Variants in WDR20 observed in about 807,000 individuals in gnomAD.
WDR20 encodes WD repeat domain 20, also known as WD repeat-containing protein 20.
A neutral mutation model predicts 38.7 loss-of-function variants in WDR20; 3 were observed. That is an observed-to-expected ratio of 0.08 (90% CI 0.04 to 0.20). The LOEUF (loss-of-function observed/expected upper bound fraction) is 0.20. Ranked by LOEUF, WDR20 falls within the 10% of genes least tolerant of loss-of-function variation. The pLI is 1.00. For missense variants in WDR20, 559 were observed against 727.7 expected (o/e 0.77, Z 2.67); for synonymous variants, 298 against 285.6 (o/e 1.04, Z -0.44).
downstream of WDR20, among the ~76,000 whole-genome samples, chr14:102,219,092 C>T (rs1259922390): frequency 6.6e-6 from 1 of 152,220 alleles, no homozygotes; most frequent in Admixed American, 6.5e-5. Context: ...GGATCCCCCA[C>T]GCTGTGCTCT....
intron 1 of WDR20, chr14:102,193,607 T>A (rs2058917139): frequency 1.6e-6 from 2 of 1,238,212 alleles, no homozygotes; most frequent in Non-Finnish European, 2.2e-6. Context: ...TCCAGACTTC[T>A]ACATGTGCAA....
At chr14:102,194,008 C>G (rs2058988650) in intron 1 of WDR20, among the ~76,000 whole-genome samples, 1 of 152,190 alleles carries the variant, frequency 6.6e-6, no homozygotes, top group African/African-American at 2.4e-5. Flanking sequence ...TGAAAAATCA[C>G]TTTTCACCCA....
intron 1 of WDR20, among the ~76,000 whole-genome samples, chr14:102,172,609 G>GCCTGGCAGAGGCGC (rs2061117882): frequency 6.8e-6 from 1 of 148,106 alleles, no homozygotes; most frequent in Non-Finnish European, 1.5e-5. Context: ...AGTAGGGGCG[G>GCCTGGCAGAGGCGC]CCTGGCAGAG....
At chr14:102,142,866 T>G (rs569473663) in intron 1 of WDR20, among the ~76,000 whole-genome samples, 2 of 148,368 alleles carry the variant, frequency 1.3e-5, no homozygotes, top group South Asian at 4.2e-4. Context: ...TTTAGATGAG[T>G]AAATTCAACT....
At position 102,180,825 on chromosome 14, in the gene WDR20, T is replaced by G. The variant is rs1319044449; in HGVS notation, c.250-14113T>G. 2.0e-5 allele frequency among the ~76,000 whole-genome samples: 3 copies of G among 152,214 alleles called. No individual in the cohort carries two copies. In the East Asian group the frequency reaches 5.8e-4, roughly 29 times the overall value. ...GGGGCTGGCCTGCATTTCTTAGCTT[T>G]CCATATCTTTGTACCCTAGTTTAAA... On this transcript the variant is annotated intron_variant, in intron 1 of 2. Coordinates refer to ENST00000342702, the MANE Select transcript of WDR20 (RefSeq NM_144574.4).
chr14:102,197,226 A>G (rs1180332115), intron 2 of WDR20, among the ~76,000 whole-genome samples: 1 of 152,176 alleles, frequency 6.6e-6, no homozygotes, highest in Non-Finnish European at 1.5e-5. Context: ...CCAGAAATTA[A>G]TTCCAGAAAC....
At chr14:102,212,956 C>G (rs1010973986), downstream of WDR20, 43 of 1,016,036 alleles carry the variant, frequency 4.2e-5, no homozygotes, top group Admixed American at 5.3e-5. Context: ...TGTACCAAAC[C>G]ACAGAGATGA....
downstream of WDR20, among the ~76,000 whole-genome samples, chr14:102,218,176 CTTACTTTTGT>C (rs1166189704): frequency 6.6e-6 from 1 of 152,244 alleles, no homozygotes; most frequent in Non-Finnish European, 1.5e-5. Flanking sequence ...CTGTGTGCGT[CTTACTTTTGT>C]TTGGGTTGGA....
At chr14:102,187,278 CTTCT>C (rs750269525) in intron 1 of WDR20, among the ~76,000 whole-genome samples, 1 of 152,148 alleles carries the variant, frequency 6.6e-6, no homozygotes, top group Non-Finnish European at 1.5e-5. Context: ...AGCCTCCTGG[CTTCT>C]TTCTTGTTTT....
intron 1 of WDR20, among the ~76,000 whole-genome samples, chr14:102,159,397 A>G (rs1044625820): frequency 2.0e-5 from 3 of 152,184 alleles, no homozygotes; most frequent in African/African-American, 7.2e-5. Context: ...GTCACCTGGG[A>G]GCCTGTTGGA....
downstream of WDR20, chr14:102,212,865 T>G: frequency 3.3e-6 from 4 of 1,215,640 alleles, no homozygotes; most frequent in Non-Finnish European, 3.1e-6. Flanking sequence ...GAATATCTTT[T>G]CTAACCTAAT....
At chr14:102,174,043 CAA>C (rs776153847) in intron 1 of WDR20, among the ~76,000 whole-genome samples, 25 of 87,690 alleles carry the variant, frequency 2.9e-4, no homozygotes, top group Admixed American at 3.9e-4. Flanking sequence ...GACTCCATCT[CAA>C]AAAAAAAAAA....
At chr14:102,142,729 T>G (rs1252945911) in intron 1 of WDR20, among the ~76,000 whole-genome samples, 1 of 150,928 alleles carries the variant, frequency 6.6e-6, no homozygotes, top group Non-Finnish European at 1.5e-5. Context: ...GTGCTGAGAT[T>G]ATAGGTGTGA....
intron 1 of WDR20, among the ~76,000 whole-genome samples, chr14:102,178,134 G>C (rs759233876): frequency 3.3e-5 from 5 of 152,186 alleles, no homozygotes; most frequent in Non-Finnish European, 7.3e-5. Flanking sequence ...GCTCATGCCT[G>C]TAATCCCAGC....
chr14:102,174,336 T>G (rs1178775114), intron 1 of WDR20, among the ~76,000 whole-genome samples: 1 of 152,204 alleles, frequency 6.6e-6, no homozygotes, highest in Non-Finnish European at 1.5e-5. Context: ...TCCATAGCGG[T>G]TGTACTAGTT....
At chr14:102,218,207 T>C (rs1167481238), downstream of WDR20, among the ~76,000 whole-genome samples, 4 of 152,254 alleles carry the variant, frequency 2.6e-5, no homozygotes, top group African/African-American at 9.6e-5. Context: ...AAGGGTGACC[T>C]TGGGGGTTGA....
At chr14:102,201,500 T>A (rs2060372039) in intron 2 of WDR20, among the ~76,000 whole-genome samples, 3 of 152,188 alleles carry the variant, frequency 2.0e-5, no homozygotes, top group Admixed American at 2.0e-4. Flanking sequence ...ATTTTGAAAA[T>A]CTTGTCTGTT....
At chr14:102,183,834 G>A (rs2063924467) in intron 1 of WDR20, among the ~76,000 whole-genome samples, 1 of 152,188 alleles carries the variant, frequency 6.6e-6, no homozygotes, top group Non-Finnish European at 1.5e-5. Context: ...ATGGCCCAAA[G>A]GTTAGAACAA....
intron 1 of WDR20, among the ~76,000 whole-genome samples, chr14:102,148,669 T>TTGTGTGTGTGTGTGTGTGTG (rs10525828): frequency 6.9e-6 from 1 of 144,836 alleles, no homozygotes; most frequent in African/African-American, 2.6e-5. Flanking sequence ...GAGTTTGGCT[T>TTGTGTGTGTGTGTGTGTGTG]TGTGTGTGTG....
Sources: allele counts gnomAD v4.1 joint callset (sites outside exome capture counted in the v4.1 genomes callset), GRCh38; gene constraint gnomAD v4.1.1; transcripts MANE v1.5; gene names NCBI Gene and HGNC (gene_info 2026-07-23, HGNC 2026-07-21).